Variants in TMCO6 observed in about 807,000 individuals in gnomAD.
TMCO6 encodes the protein transmembrane and coiled-coil domain-containing protein 6.
Under a neutral mutation model 61.8 loss-of-function variants are expected in TMCO6, and 47 were observed. The ratio of observed to expected loss-of-function variants is 0.76; its 90% confidence interval spans 0.60 to 0.97. The LOEUF (loss-of-function observed/expected upper bound fraction) is 0.97, where lower values mean the gene tolerates loss of function less well. TMCO6 is among the 50% of genes least tolerant of loss of function. The probability of loss-of-function intolerance (pLI) is 0.00; values close to 1 mark genes in which losing one functional copy is unlikely to be tolerated. For synonymous variants in TMCO6, 261 were observed against 254.2 expected, an observed-to-expected ratio of 1.03 and a Z score of -0.25; for missense variants, 557 against 601.6, an observed-to-expected ratio of 0.93 and a Z score of 0.78.
upstream of TMCO6, among the ~76,000 whole-genome samples, chr5:140,635,654 G>C (rs1756755513): frequency 1.3e-5 from 2 of 152,316 alleles, no homozygotes; most frequent in Non-Finnish European, 2.9e-5. Flanking sequence ...ACATGACAAA[G>C]ACAAGTCCCT....
chr5:140,617,165 C>G, the TMCO6 span, among the ~76,000 whole-genome samples: 1 of 152,168 alleles, frequency 6.6e-6, no homozygotes, highest in Admixed American at 6.5e-5. Context: ...GTGGCTAACA[C>G]CTGTAGTCCC....
chr5:140,639,255 T>C (rs1282834344), upstream of TMCO6: 4 of 421,636 alleles, frequency 9.5e-6, no homozygotes, highest in Non-Finnish European at 1.7e-5. Context: ...AGACTTTTTT[T>C]CCTAGAATTG....
At chr5:140,601,402 A>G in the TMCO6 span, among the ~76,000 whole-genome samples, 12 of 152,238 alleles carry the variant, frequency 7.9e-5, no homozygotes, top group East Asian at 1.9e-3. Flanking sequence ...GATTCAAGGT[A>G]AGGTTTCTTG....
At position 140,644,595 on chromosome 5, in the gene TMCO6, T is replaced by C. The variant is rs1363531751; in HGVS notation, c.1223T>C (p.Val408Ala). 2 of 1,614,252 alleles carry C rather than the reference T, an allele frequency of 1.2e-6. No individual in the cohort carries two copies. The highest frequency in any genetic ancestry group is 2.2e-5 in the South Asian group (2 of 91,086). Residue 408 changes from valine (V) to alanine (A), a missense_variant, in exon 11 of 12, where the codon GTT (valine) becomes GCT (alanine). Transcript: ENST00000394671. ...SVMVLTVLCN[V>A]AEKGPAYCQR... is the part of the protein sequence containing the mutation. ...CAGGTGCTCACAGTTCTGTGCAATG[T>C]TGCAGAAAAGGGTCCTGCTTACTGC...
the TMCO6 span, among the ~76,000 whole-genome samples, chr5:140,606,744 C>T: frequency 3.9e-5 from 6 of 152,184 alleles, no homozygotes; most frequent in Admixed American, 6.5e-5. Context: ...CTGGGCAACA[C>T]GGTGAAACCC....
the TMCO6 span, among the ~76,000 whole-genome samples, chr5:140,608,615 G>A: frequency 6.6e-6 from 1 of 152,144 alleles, no homozygotes; most frequent in Admixed American, 6.5e-5. Context: ...TTTCTTCTAA[G>A]AGCTTTATGG....
At chr5:140,607,260 T>C in the TMCO6 span, among the ~76,000 whole-genome samples, 20 of 152,320 alleles carry the variant, frequency 1.3e-4, no homozygotes, top group African/African-American at 3.6e-4. Context: ...GCTTACCTAT[T>C]ATAGATACTC....
At chr5:140,603,690 T>C in the TMCO6 span, among the ~76,000 whole-genome samples, 1 of 151,574 alleles carries the variant, frequency 6.6e-6, no homozygotes, top group Non-Finnish European at 1.5e-5. Flanking sequence ...TTTTTTTTGC[T>C]GTATAATATT....
Position 140,641,758 on chromosome 5 carries a change from GA to G in TMCO6, c.295del (p.Thr99HisfsTer19), listed in dbSNP as rs780416842. On this transcript the variant is annotated frameshift_variant, in exon 3 of 12. Coordinates refer to ENST00000394671, the MANE Select transcript of TMCO6 (RefSeq NM_018502.5). LOFTEE classifies it high-confidence loss of function. ...VSLRRGLQHP[E>X]TQQTFIRLEG... is the part of the protein sequence containing the mutation. ...CCTTCGTCGAGGCTTGCAGCACCCT[GA>G]AACACAGCAAACCTTCATCCGGTCA... 10 of 1,614,226 alleles carry G rather than the reference GA, an allele frequency of 6.2e-6. No homozygotes were observed. In the South Asian group the frequency reaches 9.9e-5, roughly 16 times the overall value.
the TMCO6 span, among the ~76,000 whole-genome samples, chr5:140,602,555 G>C: frequency 6.6e-6 from 1 of 152,088 alleles, no homozygotes; most frequent in Non-Finnish European, 1.5e-5. Flanking sequence ...CTTGAGGTCA[G>C]GAGTTTGAGA....
the TMCO6 span, among the ~76,000 whole-genome samples, chr5:140,604,843 C>CT: frequency 1.1e-5 from 1 of 92,228 alleles, no homozygotes; most frequent in Non-Finnish European, 2.3e-5. Context: ...GAAGAGATTT[C>CT]TTTTTTCCAT....
the TMCO6 span, chr5:140,631,735 T>G: frequency 1.1e-6 from 1 of 922,322 alleles, no homozygotes; most frequent in South Asian, 1.7e-5. Flanking sequence ...ACGGACCCGT[T>G]GTTTAAGATT....
the TMCO6 span, among the ~76,000 whole-genome samples, chr5:140,614,295 G>T: frequency 6.6e-6 from 1 of 152,094 alleles, no homozygotes; most frequent in Non-Finnish European, 1.5e-5. Context: ...TATAACCTGA[G>T]GTCAGGAGTT....
Position 140,643,400 on chromosome 5 carries a change from T to G in TMCO6, c.807-164T>G, listed in dbSNP as rs144354270. Reference sequence around the variant, plus strand: ...CTAATAGAGACGGAGTTTCGCCATGTTGGCCAGGCTGGTCTCAAACTCCTG... The same window carrying G: ...CTAATAGAGACGGAGTTTCGCCATGGTGGCCAGGCTGGTCTCAAACTCCTG... On this transcript the variant is annotated intron_variant, in intron 7 of 11. Transcript: ENST00000394671. 1.3e-5 allele frequency: 9 copies of G among 710,968 alleles called. No individual in the cohort carries two copies. The African/African-American group carries it at 1.4e-4, about 11-fold the overall frequency. 44.0% of individuals were successfully genotyped at this position (710,968 alleles called of 1,614,324 possible). A position where few individuals can be genotyped will look rare whatever the true frequency, so the allele number is the denominator to read the frequency against.
the TMCO6 span, chr5:140,632,556 G>C: frequency 4.3e-6 from 7 of 1,614,044 alleles, no homozygotes; most frequent in Non-Finnish European, 5.9e-6. This position sits in a 1 kb window ranked among gnomAD's most constrained non-coding sequence, Gnocchi z 6.2. Context: ...GCTGGAAAGT[G>C]CAAGTCCTGT....
At chr5:140,619,901 G>A in the TMCO6 span, among the ~76,000 whole-genome samples, 10 of 152,326 alleles carry the variant, frequency 6.6e-5, no homozygotes, top group African/African-American at 2.4e-4. Flanking sequence ...ACAAATGCTG[G>A]TGAGAATGTG....
chr5:140,632,983 G>A, the TMCO6 span: 1 of 1,614,114 alleles, frequency 6.2e-7, no homozygotes, highest in Non-Finnish European at 8.5e-7. This position sits in a 1 kb window ranked among gnomAD's most constrained non-coding sequence, Gnocchi z 6.2. Flanking sequence ...GCGCGCTCCT[G>A]GGGAGAGAGC....
intron 10 of TMCO6, 60 bp from the exon 11 acceptor site, chr5:140,644,513 A>G: frequency 6.3e-7 from 1 of 1,580,264 alleles, no homozygotes; most frequent in Non-Finnish European, 8.6e-7. Context: ...CATATATTTT[A>G]GCTATTGTTA....
At chr5:140,637,491 TAAA>T (rs1174249198), upstream of TMCO6, among the ~76,000 whole-genome samples, 26 of 152,024 alleles carry the variant, frequency 1.7e-4, no homozygotes, top group African/African-American at 6.0e-4. Context: ...AAAGCAAAAA[TAAA>T]ATTCTAAGGC....
Sources: allele counts gnomAD v4.1 joint callset (sites outside exome capture counted in the v4.1 genomes callset), GRCh38; gene constraint gnomAD v4.1.1; non-coding constraint Gnocchi (gnomAD v3.1); transcripts MANE v1.5; gene names NCBI Gene and HGNC (gene_info 2026-07-23, HGNC 2026-07-21).